Variants in LRRC1 observed in about 807,000 individuals in gnomAD.
LRRC1 encodes the protein leucine-rich repeat-containing protein 1.
Under a neutral mutation model 69.9 loss-of-function variants are expected in LRRC1, and 28 were observed. That is an observed-to-expected ratio of 0.40 (90% CI 0.30 to 0.55). The LOEUF is 0.55. Among genes scored for constraint, LRRC1 ranks in the 20% least tolerant of loss-of-function variants. LRRC1 has a pLI of 0.47. For missense variants in LRRC1, 498 were observed against 609.0 expected, an observed-to-expected ratio of 0.82 and a Z score of 1.92; for synonymous variants, 236 against 240.2, an observed-to-expected ratio of 0.98 and a Z score of 0.16.
intron 9 of LRRC1, 100 bp downstream of exon 9, chr6:53,902,847 C>A (rs2127437838): frequency 1.4e-6 from 1 of 734,216 alleles, no homozygotes; most frequent in Non-Finnish European, 2.2e-6. Context: ...CATATTACAT[C>A]CCAAAACGGT....
chr6:53,891,294 C>T (rs1297781688), intron 4 of LRRC1, among the ~76,000 whole-genome samples: 2 of 151,682 alleles, frequency 1.3e-5, no homozygotes, highest in Non-Finnish European at 1.5e-5. Flanking sequence ...GAGGTCATTC[C>T]AGCAGTATTG....
At chr6:53,911,029 C>T (rs1222965469) in intron 10 of LRRC1, among the ~76,000 whole-genome samples, 1 of 152,226 alleles carries the variant, frequency 6.6e-6, no homozygotes, top group African/African-American at 2.4e-5. Context: ...ACAACATGTG[C>T]TCTTTGTTGG....
At chr6:53,874,944 T>A (rs986720536) in intron 2 of LRRC1, among the ~76,000 whole-genome samples, 4 of 152,174 alleles carry the variant, frequency 2.6e-5, no homozygotes, top group Non-Finnish European at 4.4e-5. Context: ...GGGGAAAATG[T>A]TCAGCTGCAA....
chr6:53,844,941 A>G (rs4715427), intron 2 of LRRC1, among the ~76,000 whole-genome samples: 32,795 of 152,074 alleles, frequency 0.22, 3,904 homozygotes, highest in South Asian at 0.26. Context: ...GCGGTGGCTC[A>G]CGCCTGTAAT....
chr6:53,795,168 A>AGC lies in LRRC1; in HGVS notation c.-87_-86dup. Reference sequence around the variant, plus strand: ...AGCCAACAACGAGCGCGGAGAGGGCAGCGGACTGAGCGGAGCCGCCGGCCA... The same window carrying AGC: ...AGCCAACAACGAGCGCGGAGAGGGCAGCGCGGACTGAGCGGAGCCGCCGGCCA... On this transcript the variant is annotated 5_prime_UTR_variant, in exon 1 of 14. Coordinates refer to ENST00000370888, the MANE Select transcript of LRRC1 (RefSeq NM_018214.5). 1 of 1,178,232 alleles carries AGC rather than the reference A, an allele frequency of 8.5e-7. No individual in the cohort carries two copies. The highest frequency in any genetic ancestry group is 2.6e-5 in the East Asian group (1 of 39,006). 73.0% of individuals were successfully genotyped at this position (1,178,232 alleles called of 1,614,324 possible).
chr6:53,859,024 C>T (rs1434448781), intron 2 of LRRC1, among the ~76,000 whole-genome samples: 1 of 152,196 alleles, frequency 6.6e-6, no homozygotes, highest in Non-Finnish European at 1.5e-5. Context: ...TACGCACTCT[C>T]TGCATGTCAG....
rs754942001 is a variant in LRRC1 at position 53,897,315 on chromosome 6, A to G, written c.598A>G (p.Lys200Glu). The change falls in exon 7 of 14, where the codon AAA (lysine) becomes GAA (glutamate). Residue 200 changes from lysine to glutamate, a missense_variant. Lys to Glu is a moderately conservative substitution (Grantham distance 56). This residue lies in a region of LRRC1 where 266 missense variants were observed against 383.9 expected (regional missense o/e 0.69). Coordinates refer to ENST00000370888, the MANE Select transcript of LRRC1 (RefSeq NM_018214.5). ...ATCAATTGGAGCCCTCTTACATCTA[A>G]AAGATCTCTGGTTGGATGGAAATCA... ...PESIGALLHL[K>E]DLWLDGNQLS... is the part of the protein sequence containing the mutation. 7 of 1,612,888 alleles carry G rather than the reference A, an allele frequency of 4.3e-6. No homozygotes were observed. The South Asian group carries it at 5.5e-5, about 13-fold the overall frequency.
intron 1 of LRRC1, among the ~76,000 whole-genome samples, chr6:53,820,232 T>C (rs1357889152): frequency 1.3e-5 from 2 of 151,752 alleles, no homozygotes; most frequent in African/African-American, 4.8e-5. Context: ...GGAAAGAAAA[T>C]AAAAGCTGGA....
intron 4 of LRRC1, among the ~76,000 whole-genome samples, chr6:53,894,180 G>T (rs1011556626): frequency 1.3e-5 from 2 of 152,220 alleles, no homozygotes; most frequent in Non-Finnish European, 2.9e-5. Context: ...GGGTTGAATT[G>T]TGGTTTTGCC....
At chr6:53,866,512 A>G (rs1766708827) in intron 2 of LRRC1, among the ~76,000 whole-genome samples, 1 of 152,168 alleles carries the variant, frequency 6.6e-6, no homozygotes, top group South Asian at 2.1e-4. Flanking sequence ...GGATACAGCT[A>G]GTGGGAAAGT....
intron 1 of LRRC1, among the ~76,000 whole-genome samples, chr6:53,814,209 ATCT>A (rs1259867664): frequency 6.6e-6 from 1 of 152,216 alleles, no homozygotes; most frequent in Non-Finnish European, 1.5e-5. Flanking sequence ...ATTTAGTAAA[ATCT>A]TCTATTTTCT....
At chr6:53,819,124 A>AAG (rs934031358) in intron 1 of LRRC1, among the ~76,000 whole-genome samples, 1 of 152,198 alleles carries the variant, frequency 6.6e-6, no homozygotes, top group Non-Finnish European at 1.5e-5. Flanking sequence ...AGAGCTGTGG[A>AAG]AGAGAGAGAG....
At chr6:53,819,768 C>T (rs1287166944) in intron 1 of LRRC1, among the ~76,000 whole-genome samples, 1 of 152,170 alleles carries the variant, frequency 6.6e-6, no homozygotes, top group African/African-American at 2.4e-5. Flanking sequence ...AGAGATACCA[C>T]ATTTCACCAA....
At chr6:53,892,452 C>T (rs1767736465) in intron 4 of LRRC1, among the ~76,000 whole-genome samples, 1 of 152,162 alleles carries the variant, frequency 6.6e-6, no homozygotes, top group Non-Finnish European at 1.5e-5. Context: ...TTGGGTCTCC[C>T]TCTGTCTCTC....
At chr6:53,854,515 A>G (rs1041393651) in intron 2 of LRRC1, among the ~76,000 whole-genome samples, 8 of 152,154 alleles carry the variant, frequency 5.3e-5, no homozygotes, top group African/African-American at 1.4e-4. Context: ...CATATGTATT[A>G]TATTATCTCA....
intron 2 of LRRC1, among the ~76,000 whole-genome samples, chr6:53,850,350 A>G (rs1317254439): frequency 6.6e-6 from 1 of 152,178 alleles, no homozygotes; most frequent in Non-Finnish European, 1.5e-5. Context: ...TTTGGTAGCA[A>G]ATTTAGAGGG....
intron 1 of LRRC1, among the ~76,000 whole-genome samples, chr6:53,795,921 G>T (rs1021687411): frequency 6.6e-6 from 1 of 152,258 alleles, no homozygotes; most frequent in Non-Finnish European, 1.5e-5. Context: ...GGCATCTTGG[G>T]AGGAATGAGG....
intron 2 of LRRC1, 34 bp downstream of exon 2, chr6:53,842,261 C>G (rs369558146): frequency 1.4e-6 from 2 of 1,434,770 alleles, no homozygotes; most frequent in Non-Finnish European, 2.0e-6. Flanking sequence ...GCCTATTTGT[C>G]TCTTCAGATG....
intron 12 of LRRC1, 114 bp downstream of exon 12, chr6:53,919,784 T>G: frequency 1.1e-6 from 1 of 951,418 alleles, no homozygotes. Flanking sequence ...AGTCTGCACC[T>G]AGAGCCAGCT....
Sources: allele counts gnomAD v4.1 joint callset (sites outside exome capture counted in the v4.1 genomes callset), GRCh38; gene constraint gnomAD v4.1.1; regional missense constraint gnomAD v4.1.1; transcripts MANE v1.5; gene names NCBI Gene and HGNC (gene_info 2026-07-23, HGNC 2026-07-21).